Variants in PRKCE observed in about 807,000 individuals in gnomAD.
PRKCE encodes protein kinase C epsilon type.
PRKCE carries 16 observed loss-of-function variants against 85.4 expected under a neutral mutation model. The ratio of observed to expected loss-of-function variants is 0.19; its 90% confidence interval spans 0.13 to 0.28. The LOEUF (loss-of-function observed/expected upper bound fraction) is 0.28, where lower values mean the gene tolerates loss of function less well. Among genes scored for constraint, PRKCE ranks in the 10% least tolerant of loss-of-function variants. The pLI is 1.00. For missense variants in PRKCE, 573 were observed against 975.2 expected, an observed-to-expected ratio of 0.59 and a Z score of 5.49; for synonymous variants, 388 against 371.5, an observed-to-expected ratio of 1.04 and a Z score of -0.51.
chr2:45,950,154 T>C (rs1227543518), intron 2 of PRKCE, among the ~76,000 whole-genome samples: 1 of 152,228 alleles, frequency 6.6e-6, no homozygotes, highest in Admixed American at 6.5e-5. Context: ...TGTCTCTAAT[T>C]GGCATCCTGG....
chr2:45,752,108 C>T (rs538787182), intron 1 of PRKCE, among the ~76,000 whole-genome samples: 9 of 152,198 alleles, frequency 5.9e-5, no homozygotes, highest in Middle Eastern at 6.8e-3. Flanking sequence ...TGAGCCACCG[C>T]GCCCGGCAGC....
intron 1 of PRKCE, among the ~76,000 whole-genome samples, chr2:45,836,909 ACAG>A (rs1336371200): frequency 6.6e-6 from 1 of 152,186 alleles, no homozygotes; most frequent in African/African-American, 2.4e-5. Context: ...TTTGTGCCTG[ACAG>A]CAGATGGGAA....
intron 11 of PRKCE, among the ~76,000 whole-genome samples, chr2:46,105,056 A>G (rs1671590404): frequency 6.6e-6 from 1 of 151,398 alleles, no homozygotes; most frequent in South Asian, 2.1e-4. Flanking sequence ...TTTTGCCTGC[A>G]TCAAAAACCT....
intron 1 of PRKCE, among the ~76,000 whole-genome samples, chr2:45,658,325 C>A (rs1296670288): frequency 6.6e-6 from 1 of 152,224 alleles, no homozygotes; most frequent in African/African-American, 2.4e-5. Context: ...TCACAGACAA[C>A]CTCTTGGCAT....
At chr2:45,968,979 C>G in intron 2 of PRKCE, among the ~76,000 whole-genome samples, 1 of 151,568 alleles carries the variant, frequency 6.6e-6, no homozygotes, top group Non-Finnish European at 1.5e-5. Context: ...ACGGTACAGA[C>G]CCCATTTTTG....
intron 10 of PRKCE, among the ~76,000 whole-genome samples, chr2:46,027,793 T>C (rs1281190536): frequency 6.6e-6 from 1 of 152,188 alleles, no homozygotes; most frequent in Non-Finnish European, 1.5e-5. Flanking sequence ...TCCCATGGCC[T>C]ATTTAGCTGG....
rs907934595 is a variant in PRKCE, at chr2:45,774,420, C to T, written c.349-68580C>T. Among the ~76,000 whole-genome samples the T allele has an allele frequency of 3.3e-5, 5 of 152,206 alleles. No homozygotes were observed. The highest frequency in any genetic ancestry group is 1.2e-4 in the African/African-American group (5 of 41,454). The stretch of plus-strand genomic sequence containing the variant: ...GGCAGAGTCCCGTCAGAGGCCTGTA[C>T]AGGCAAACTCAGCATCAGCACGGCT... On this transcript the variant is annotated intron_variant, in intron 1 of 14. Transcript: ENST00000306156. This position sits in a 1 kb window ranked among gnomAD's most constrained non-coding sequence, Gnocchi z 4.3.
intron 1 of PRKCE, among the ~76,000 whole-genome samples, chr2:45,666,613 C>T (rs1042291410): frequency 1.2e-4 from 18 of 152,006 alleles, no homozygotes; most frequent in Admixed American, 2.6e-4. Flanking sequence ...TCTCTTTGGG[C>T]GATCATTCCC....
chr2:46,033,182 A>G (rs1242876309), intron 10 of PRKCE, among the ~76,000 whole-genome samples: 1 of 152,190 alleles, frequency 6.6e-6, no homozygotes, highest in Non-Finnish European at 1.5e-5. Flanking sequence ...ACCAAACATC[A>G]CTTATGGACT....
intron 2 of PRKCE, among the ~76,000 whole-genome samples, chr2:45,890,510 G>A (rs2105872930): frequency 6.6e-6 from 1 of 152,072 alleles, no homozygotes; most frequent in African/African-American, 2.4e-5. Context: ...CTCCTGAGTA[G>A]CTGGTATTAC....
Position 46,005,503 on chromosome 2 carries a change from T to C in PRKCE, c.1063+865T>C, listed in dbSNP as rs113520059. On this transcript the variant is annotated intron_variant, in intron 8 of 14. Transcript: ENST00000306156. ...CCACTCTATGTTGGTGCTTCATTAC[T>C]GTCCCCCAGGTTAGTGAGTGGGAAG... Among the ~76,000 whole-genome samples the C allele has an allele frequency of 3.9e-3, 599 of 152,316 alleles. 4 individuals are homozygous for C. The highest frequency in any genetic ancestry group is 0.014 in the African/African-American group (569 of 41,566).
intron 1 of PRKCE, among the ~76,000 whole-genome samples, chr2:45,673,129 C>T (rs993298534): frequency 6.6e-5 from 10 of 151,946 alleles, no homozygotes; most frequent in Non-Finnish European, 1.2e-4. Context: ...GTTTTTGTTC[C>T]CCCTACTTTC....
At chr2:45,988,168 C>T (rs192261495) in intron 6 of PRKCE, among the ~76,000 whole-genome samples, 1 of 152,302 alleles carries the variant, frequency 6.6e-6, no homozygotes. Flanking sequence ...GCTCTGGTCC[C>T]CTGGTCCTGG....
intron 10 of PRKCE, among the ~76,000 whole-genome samples, chr2:46,079,764 C>G (rs1668898057): frequency 6.6e-6 from 1 of 152,214 alleles, no homozygotes; most frequent in South Asian, 2.1e-4. Flanking sequence ...AAGCCTCTGG[C>G]TATCCGTCAC....
intron 14 of PRKCE, among the ~76,000 whole-genome samples, chr2:46,163,535 CACTCCCCACA>C (rs1677990486): frequency 1.2e-4 from 12 of 102,884 alleles, no homozygotes; most frequent in Non-Finnish European, 1.6e-4. Context: ...GAAGCTGAGG[CACTCCCCACA>C]GAGGCCACTA....
rs191721577 is a variant in PRKCE, at chr2:45,744,163, C to T, written c.348+91715C>T. Among the ~76,000 whole-genome samples the T allele has an allele frequency of 2.6e-5, 4 of 152,154 alleles. No individual in the cohort carries two copies. In the East Asian group the frequency reaches 7.7e-4, roughly 29 times the overall value. ...GTCAAATGGGAATAATAACACCAAC[C>T]CTGTTGTTTGTCATGAGACATAATA... On this transcript the variant is annotated intron_variant, in intron 1 of 14. Coordinates refer to ENST00000306156, the MANE Select transcript of PRKCE (RefSeq NM_005400.3).
chr2:45,965,841 T>A (rs1360972495), intron 2 of PRKCE, among the ~76,000 whole-genome samples: 1 of 152,226 alleles, frequency 6.6e-6, no homozygotes, highest in East Asian at 1.9e-4. Context: ...GTTTCTTAGT[T>A]TTCTTTTTCT....
intron 8 of PRKCE, 83 bp from the exon 9 acceptor site, chr2:46,007,379 G>C: frequency 2.9e-6 from 4 of 1,380,528 alleles, no homozygotes; most frequent in Non-Finnish European, 4.0e-6. Flanking sequence ...AGAGCTTACA[G>C]GGGAAAGTCT....
chr2:45,858,509 T>A (rs1421488283), intron 2 of PRKCE, among the ~76,000 whole-genome samples: 2 of 152,202 alleles, frequency 1.3e-5, no homozygotes, highest in Non-Finnish European at 2.9e-5. Context: ...ATATTGTATA[T>A]CATGGGTCAT....
Sources: allele counts gnomAD v4.1 joint callset (sites outside exome capture counted in the v4.1 genomes callset), GRCh38; gene constraint gnomAD v4.1.1; non-coding constraint Gnocchi (gnomAD v3.1); transcripts MANE v1.5; gene names NCBI Gene and HGNC (gene_info 2026-07-23, HGNC 2026-07-21).